DGKI: variants seen among roughly 807,000 people sequenced by gnomAD.
The protein encoded by DGKI is diacylglycerol kinase iota, also known as DAG kinase iota.
DGKI carries 55 observed loss-of-function variants against 147.5 expected under a neutral mutation model. That is an observed-to-expected ratio of 0.37 (90% CI 0.30 to 0.47). DGKI has a LOEUF of 0.47. Ranked by LOEUF, DGKI falls within the 20% of genes least tolerant of loss-of-function variation. The pLI is 1.00. For missense variants in DGKI, 1,007 were observed against 1,323.8 expected, an observed-to-expected ratio of 0.76 and a Z score of 3.71; for synonymous variants, 469 against 477.1, an observed-to-expected ratio of 0.98 and a Z score of 0.22.
chr7:137,485,386 T>A lies in DGKI; in HGVS notation c.2361A>T (p.Arg787Ser). The A allele has an allele frequency of 6.2e-7, 1 of 1,608,976 alleles. No homozygotes were observed. The highest frequency in any genetic ancestry group is 1.1e-5 in the South Asian group (1 of 90,260). Residue 787 changes from arginine to serine, a missense_variant, in exon 23 of 33, where the codon AGA becomes AGT. By Grantham distance (110) the Arg-to-Ser change is moderately radical. This residue lies in a region of DGKI where 385 missense variants were observed against 445.2 expected (regional missense o/e 0.86). Coordinates refer to ENST00000614521, the MANE Select transcript of DGKI (RefSeq NM_001321708.2). ...AATTATTTGTTACCTGGTAATGAAC[T>A]CTCTGGGAGCCAGAAGAAACTGACT... ...DLQSVSSGSQ[R>S]VHYQDHETSF...
At position 137,758,483 on chromosome 7, in the gene DGKI, T is replaced by C. The variant is rs1294799944; in HGVS notation, c.402-68481A>G. On this transcript the variant is annotated intron_variant, in intron 1 of 32. Coordinates refer to ENST00000614521, the MANE Select transcript of DGKI (RefSeq NM_001321708.2). The stretch of plus-strand genomic sequence containing the variant: ...GATGGATCACTTGAGGTCAGGAGTT[T>C]GAGACTAGCCTGGCCAACACGATGA... Among the ~76,000 whole-genome samples, 3 of 152,104 alleles carry C rather than the reference T, an allele frequency of 2.0e-5. No individual in the cohort carries two copies. In the East Asian group the frequency reaches 5.8e-4, roughly 29 times the overall value.
At chr7:137,803,937 A>G (rs537973043) in intron 1 of DGKI, among the ~76,000 whole-genome samples, 1 of 152,264 alleles carries the variant, frequency 6.6e-6, no homozygotes, top group African/African-American at 2.4e-5. Context: ...TGCGTTTTTC[A>G]TTTTCTGAAA....
chr7:137,839,955 C>T (rs1451123987), intron 1 of DGKI, among the ~76,000 whole-genome samples: 1 of 152,192 alleles, frequency 6.6e-6, no homozygotes, highest in East Asian at 1.9e-4. Flanking sequence ...TCACAAAACT[C>T]AGGGCTGGAA....
intron 1 of DGKI, among the ~76,000 whole-genome samples, chr7:137,743,362 AG>A (rs1226686828): frequency 2.2e-4 from 33 of 152,358 alleles, no homozygotes; most frequent in Non-Finnish European, 4.0e-4. Flanking sequence ...TACTGTAAAA[AG>A]TACCACATGC....
intron 20 of DGKI, among the ~76,000 whole-genome samples, chr7:137,551,831 TG>T (rs1313640188): frequency 6.6e-6 from 1 of 152,050 alleles, no homozygotes; most frequent in Admixed American, 6.6e-5. Context: ...AAGCCAACAC[TG>T]AGTTGAAGCC....
chr7:137,596,274 G>A (rs1264291700), intron 12 of DGKI, among the ~76,000 whole-genome samples: 1 of 152,148 alleles, frequency 6.6e-6, no homozygotes, highest in African/African-American at 2.4e-5. Flanking sequence ...AGATGTGAGT[G>A]AGATGCTGAA....
chr7:137,577,474 A>G (rs955201302), intron 16 of DGKI, among the ~76,000 whole-genome samples, 190 bp from the exon 17 acceptor site: 5 of 152,232 alleles, frequency 3.3e-5, no homozygotes, highest in African/African-American at 9.6e-5. Context: ...TTTCCAAACT[A>G]TAATTTACAG....
chr7:137,800,357 C>T (rs1253260167), intron 1 of DGKI, among the ~76,000 whole-genome samples: 4 of 152,058 alleles, frequency 2.6e-5, no homozygotes, highest in African/African-American at 9.7e-5. Flanking sequence ...GTCATGGGGG[C>T]AGATCCCTCA....
intron 1 of DGKI, among the ~76,000 whole-genome samples, chr7:137,695,974 T>A (rs1455886716): frequency 6.6e-6 from 1 of 152,126 alleles, no homozygotes; most frequent in Non-Finnish European, 1.5e-5. Flanking sequence ...TGGAAAAAAA[T>A]TGGGCAGGAT....
At chr7:137,630,002 T>C (rs1821073233) in intron 6 of DGKI, among the ~76,000 whole-genome samples, 1 of 152,216 alleles carries the variant, frequency 6.6e-6, no homozygotes, top group African/African-American at 2.4e-5. Context: ...AAAATTGTTA[T>C]AAATATTCAA....
intron 1 of DGKI, among the ~76,000 whole-genome samples, chr7:137,742,439 G>T (rs920111935): frequency 2.0e-5 from 3 of 152,156 alleles, no homozygotes; most frequent in African/African-American, 7.2e-5. Context: ...CTTAATTAAA[G>T]AAGTGCCAGT....
At chr7:137,601,939 T>A (rs1210428243) in intron 10 of DGKI, among the ~76,000 whole-genome samples, 1 of 152,150 alleles carries the variant, frequency 6.6e-6, no homozygotes, top group African/African-American at 2.4e-5. Flanking sequence ...AATCCTTGAG[T>A]TTCACCAAAT....
intron 27 of DGKI, among the ~76,000 whole-genome samples, chr7:137,452,082 G>C (rs1304564064): frequency 6.6e-6 from 1 of 152,174 alleles, no homozygotes; most frequent in African/African-American, 2.4e-5. Flanking sequence ...ATCTACAAAT[G>C]AATGTCTATC....
intron 31 of DGKI, 79 bp from the exon 32 acceptor site, chr7:137,395,776 G>T: frequency 7.4e-7 from 1 of 1,349,034 alleles, no homozygotes; most frequent in Non-Finnish European, 1.1e-6. Flanking sequence ...GCTGATGTAG[G>T]GTGCTCCTCA....
chr7:137,408,036 C>T lies in DGKI; in HGVS notation c.2800-41G>A, dbSNP rs376826905. On this transcript the variant is annotated intron_variant, in intron 29 of 32. Coordinates refer to ENST00000614521, the MANE Select transcript of DGKI (RefSeq NM_001321708.2). ...TACAAAAAGAAGCTCAGGCAGAATT[C>T]GGAACAAGGATAACAGCTAACCGGT... 88 of 1,610,008 alleles carry T rather than the reference C, an allele frequency of 5.5e-5. No homozygotes were observed. The African/African-American group carries it at 6.0e-4, about 11-fold the overall frequency.
In DGKI at chr7:137,545,903, G is replaced by T. The variant is rs753367437; in HGVS notation, c.2147+6466C>A. Reference sequence around the variant, plus strand: ...AACAGAATGGCACTGTACTCACATGGTGAAGGAGCCGGGGGGAGCAGACAC... The same window carrying T: ...AACAGAATGGCACTGTACTCACATGTTGAAGGAGCCGGGGGGAGCAGACAC... On this transcript the variant is annotated intron_variant, in intron 20 of 32. Coordinates refer to ENST00000614521, the MANE Select transcript of DGKI (RefSeq NM_001321708.2). 4 of 702,626 alleles carry T rather than the reference G, an allele frequency of 5.7e-6. No homozygotes were observed. The South Asian group carries it at 5.9e-5, about 10-fold the overall frequency. 43.5% of individuals were successfully genotyped at this position (702,626 alleles called of 1,614,324 possible).
At chr7:137,464,225 C>A (rs1328105686) in intron 26 of DGKI, among the ~76,000 whole-genome samples, 1 of 146,366 alleles carries the variant, frequency 6.8e-6, no homozygotes, top group South Asian at 2.2e-4. Context: ...CCACTGCACT[C>A]CAGTCTGGGT....
rs572197201 is a variant in DGKI, at chr7:137,456,997, G to C, written c.2735+6492C>G. On this transcript the variant is annotated intron_variant, in intron 27 of 32. Coordinates refer to ENST00000614521, the MANE Select transcript of DGKI (RefSeq NM_001321708.2). The stretch of plus-strand genomic sequence containing the variant: ...TATTAAATATTTCACACACCCATAG[G>C]AATAGAGTGTTATTATGTGCTTGCC... Among the ~76,000 whole-genome samples the C allele has an allele frequency of 1.2e-4, 18 of 152,266 alleles. No homozygotes were observed. The South Asian group carries it at 3.5e-3, about 30-fold the overall frequency.
chr7:137,712,065 A>T (rs1194354873), intron 1 of DGKI, among the ~76,000 whole-genome samples: 5 of 152,116 alleles, frequency 3.3e-5, no homozygotes, highest in African/African-American at 1.2e-4. Context: ...GCACATAGAA[A>T]TCACTATATG....
Sources: gnomAD v4.1 joint callset for allele counts (sites outside exome capture counted in the v4.1 genomes callset) on GRCh38, gnomAD v4.1.1 for gene constraint, gnomAD v4.1.1 regional missense constraint, MANE v1.5 for transcripts, NCBI Gene and HGNC (gene_info 2026-07-23, HGNC 2026-07-21) for gene names.